SLFN12: variants seen among roughly 807,000 people sequenced by gnomAD.
The protein encoded by SLFN12 is ribonuclease SLFN12.
Under a neutral mutation model 29.1 loss-of-function variants are expected in SLFN12, and 25 were observed. The observed-to-expected ratio is 0.86, with a 90% CI of 0.63 to 1.20. SLFN12 has a LOEUF of 1.20. SLFN12 is among the 50% of genes most tolerant of loss of function. The pLI is 0.00. For synonymous variants in SLFN12, 257 were observed against 238.7 expected, an observed-to-expected ratio of 1.08 and a Z score of -0.71; for missense variants, 660 against 666.2, an observed-to-expected ratio of 0.99 and a Z score of 0.10.
intron 1 of SLFN12, among the ~76,000 whole-genome samples, chr17:35,429,867 C>T (rs1268772110): frequency 2.0e-5 from 3 of 151,924 alleles, no homozygotes; most frequent in Non-Finnish European, 4.4e-5. Flanking sequence ...AGTGCCTGGT[C>T]GCATTTCACC....
At chr17:35,429,678 G>A (rs1030950097) in intron 1 of SLFN12, among the ~76,000 whole-genome samples, 3 of 152,098 alleles carry the variant, frequency 2.0e-5, no homozygotes, top group Non-Finnish European at 2.9e-5. Flanking sequence ...TGGGACAGAA[G>A]TTGTAAGAGC....
rs780172486 is a variant in SLFN12, at chr17:35,422,895, G to A, written c.134C>T (p.Ser45Leu). ...ATTGAGCAGAGCACACATAGCTCGT[G>A]AGACACTTTCATTCTGCTTTTTTCT... is the stretch of plus-strand genomic sequence containing the variant. Reference protein sequence around the residue: ...KLRKKQNESVSRAMCALLNSG... With the variant: ...KLRKKQNESVLRAMCALLNSG... The change falls in exon 2 of 4, where the codon TCA becomes TTA. Residue 45 changes from serine to leucine, a missense_variant. Transcript: ENST00000304905. 5.0e-6 allele frequency: 8 copies of A among 1,613,838 alleles called. 1 individual carries two copies. Among genetic ancestry groups the A allele is most frequent in the East Asian group, 4.5e-5 (2 of 44,896 alleles).
upstream of SLFN12, chr17:35,432,593 T>G (rs960727287): frequency 1.3e-5 from 2 of 152,144 alleles, no homozygotes; most frequent in Non-Finnish European, 2.9e-5. Flanking sequence ...CCTATGCACA[T>G]GAAGACTTGG....
At position 35,420,353 on chromosome 17, in the gene SLFN12, G is replaced by C. The variant is rs1911553190; in HGVS notation, c.1068C>G (p.Ile356Met). The C allele has an allele frequency of 6.2e-7, 1 of 1,613,386 alleles. No homozygotes were observed. Among genetic ancestry groups the C allele is most frequent in the South Asian group, 1.1e-5 (1 of 91,014 alleles). Residue 356 changes from isoleucine (I) to methionine (M), a missense_variant, in exon 3 of 4, where the codon ATC becomes ATG. Transcript: ENST00000304905. ...CAGGTAATGACGTATTTATTTGAGA[G>C]ATCACCTCTTCATATGAACTGGAAA... ...PKFSSSYEEV[I>M]SQINTSLPAP...
intron 3 of SLFN12, among the ~76,000 whole-genome samples, chr17:35,412,276 A>G (rs942884966): frequency 6.6e-6 from 1 of 152,188 alleles, no homozygotes; most frequent in Non-Finnish European, 1.5e-5. Context: ...TATGAGAAGT[A>G]AAATCTCAGA....
At chr17:35,432,716 G>T (rs1912391262), upstream of SLFN12, among the ~76,000 whole-genome samples, 1 of 152,144 alleles carries the variant, frequency 6.6e-6, no homozygotes, top group Non-Finnish European at 1.5e-5. Flanking sequence ...GGAAAGTTGG[G>T]ATTTTCCTCC....
rs760693632 is a variant in SLFN12, at chr17:35,422,991, T to G, written c.38A>C (p.Glu13Ala). Residue 13 changes from glutamate to alanine, a missense_variant, in exon 2 of 4, where the codon GAG (glutamate) becomes GCG (alanine). Physicochemically the swap from Glu to Ala is moderately radical, Grantham distance 107 (BLOSUM62 -1). Transcript: ENST00000304905. ...GACTCTTCCCACATCTAGAACCAAC[T>G]CGGCATAATTCGTTTCCAAATCAAC... ...ISVDLETNYAELVLDVGRVTL... is the reference protein window; with the variant it reads ...ISVDLETNYAALVLDVGRVTL... 4.3e-6 allele frequency: 7 copies of G among 1,612,942 alleles called. No individual in the cohort carries two copies. The highest frequency in any genetic ancestry group is 5.9e-6 in the Non-Finnish European group (7 of 1,179,518).
In SLFN12 at chr17:35,422,604, G is replaced by A. The variant is rs536331074; in HGVS notation, c.425C>T (p.Ala142Val). 4 of 1,613,952 alleles carry A rather than the reference G, an allele frequency of 2.5e-6. No individual in the cohort carries two copies. In the Admixed American group the frequency reaches 5.0e-5, roughly 20 times the overall value. Residue 142 changes from alanine (A) to valine (V), a missense_variant, in exon 2 of 4, where the codon GCA becomes GTA. Physicochemically the swap from Ala to Val is moderately conservative, Grantham distance 64. Transcript: ENST00000304905. ...TSAKVMNATA[A>V]LEFLKDMKKT... ...TTTCATGTCTTTGAGGAACTCCAGT[G>A]CAGCAGTGGCATTCATGACTTTTGC... is the stretch of plus-strand genomic sequence containing the variant.
At chr17:35,426,703 C>T (rs1912038666) in intron 1 of SLFN12, among the ~76,000 whole-genome samples, 1 of 152,104 alleles carries the variant, frequency 6.6e-6, no homozygotes, top group Non-Finnish European at 1.5e-5. Flanking sequence ...TCTTTGCAGA[C>T]AAATGCTATG....
At chr17:35,431,503 A>G (rs1472243245) in intron 1 of SLFN12, among the ~76,000 whole-genome samples, 2 of 152,138 alleles carry the variant, frequency 1.3e-5, no homozygotes, top group Non-Finnish European at 2.9e-5. Flanking sequence ...GCTTAGTACT[A>G]GGCCTAAGAA....
intron 2 of SLFN12, 30 bp downstream of exon 2, chr17:35,421,960 C>T (rs1911682441): frequency 1.9e-6 from 3 of 1,599,964 alleles, no homozygotes; most frequent in African/African-American, 1.3e-5. Flanking sequence ...AAGCCAAATG[C>T]ATTCCTGTTG....
intron 3 of SLFN12, among the ~76,000 whole-genome samples, chr17:35,413,300 TC>T (rs2142030568): frequency 6.6e-6 from 1 of 152,002 alleles, no homozygotes; most frequent in African/African-American, 2.4e-5. Context: ...AGGAAATACT[TC>T]CAAACTCATT....
At position 35,421,255 on chromosome 17, in the gene SLFN12, A is replaced by AATAG. The variant is rs559111819; in HGVS notation, c.1039+731_1039+734dup. On this transcript the variant is annotated intron_variant, in intron 2 of 3. Transcript: ENST00000304905. ...AAATAAATAAATAAATAAATAAATA[A>AATAG]ATAGAAAGGGGACAAGAAGCATGAA... is the stretch of plus-strand genomic sequence containing the variant. 9.1e-3 allele frequency among the ~76,000 whole-genome samples: 1,338 copies of AATAG among 146,922 alleles called. 23 individuals are homozygous for AATAG. Among genetic ancestry groups the AATAG allele is most frequent in the African/African-American group, 0.028 (1,127 of 39,884 alleles).
intron 1 of SLFN12, among the ~76,000 whole-genome samples, chr17:35,431,146 C>T (rs900318739): frequency 3.3e-5 from 5 of 152,120 alleles, no homozygotes; most frequent in Non-Finnish European, 7.3e-5. Flanking sequence ...TTAAATGGCC[C>T]ATCGGGTAGC....
In SLFN12 at chr17:35,422,465, T is replaced by A. The variant is rs773509182; in HGVS notation, c.564A>T (p.Thr188=). 3 of 1,612,510 alleles carry A rather than the reference T, an allele frequency of 1.9e-6. No individual in the cohort carries two copies. The highest frequency in any genetic ancestry group is 3.3e-4 in the Middle Eastern group (2 of 6,050). Residue 188 remains threonine (T), a synonymous_variant, in exon 2 of 4, where the codon ACA becomes ACT. Coordinates refer to ENST00000304905, the MANE Select transcript of SLFN12 (RefSeq NM_018042.5). The part of the protein sequence containing the change: ...KALAGVFFDR[T]ELDRKEKLTF... ...TCAATTTTTCTTTCCGATCAAGTTC[T>A]GTTCTATCAAAAAAAACCCCGGCCA... is the stretch of plus-strand genomic sequence containing the variant.
intron 1 of SLFN12, among the ~76,000 whole-genome samples, chr17:35,428,265 G>T (rs993108844): frequency 6.6e-6 from 1 of 151,936 alleles, no homozygotes; most frequent in Non-Finnish European, 1.5e-5. Flanking sequence ...CAGAATTATC[G>T]CTAGCAAATT....
rs58492425 is a variant in SLFN12 at position 35,425,838 on chromosome 17, C to CTTTTTTTTTTTTTTTTTTTTTT, written c.-40-2792_-40-2771dup. Reference sequence around the variant, plus strand: ...GGTTCTTTTTCTTTTCTTTTCTTTTCTTTTTTTTTTTTTTTTTTTTTTTTT... The same window carrying CTTTTTTTTTTTTTTTTTTTTTT: ...GGTTCTTTTTCTTTTCTTTTCTTTTCTTTTTTTTTTTTTTTTTTTTTTTTTTTTTTTTTTTTTTTTTTTTTTT... On this transcript the variant is annotated intron_variant, in intron 1 of 3. Transcript: ENST00000304905. Among the ~76,000 whole-genome samples the CTTTTTTTTTTTTTTTTTTTTTT allele has an allele frequency of 1.0e-3, 41 of 39,142 alleles. 3 individuals are homozygous for CTTTTTTTTTTTTTTTTTTTTTT. Among genetic ancestry groups the CTTTTTTTTTTTTTTTTTTTTTT allele is most frequent in the African/African-American group, 1.9e-3 (17 of 8,960 alleles). 25.7% of individuals were successfully genotyped at this position (39,142 alleles called of 152,430 possible).
chr17:35,421,642 C>T (rs764777965), intron 2 of SLFN12, among the ~76,000 whole-genome samples: 11 of 150,320 alleles, frequency 7.3e-5, no homozygotes, highest in South Asian at 2.1e-4. Context: ...TGGCTTCAAC[C>T]GATTCTCCTG....
intron 2 of SLFN12, 37 bp from the exon 3 acceptor site, chr17:35,420,418 A>G: frequency 7.2e-7 from 1 of 1,380,156 alleles, no homozygotes; most frequent in Non-Finnish European, 1.0e-6. Flanking sequence ...AATTTCGCAG[A>G]AGGGAGACCC....
Sources: allele counts gnomAD v4.1 joint callset (sites outside exome capture counted in the v4.1 genomes callset), GRCh38; gene constraint gnomAD v4.1.1; transcripts MANE v1.5; gene names NCBI Gene and HGNC (gene_info 2026-07-23, HGNC 2026-07-21).